GALNT17: variants seen among roughly 807,000 people sequenced by gnomAD.
The protein encoded by GALNT17 is UDP-GalNAc:polypeptide N-acetylgalactosaminyltransferase-like 3.
GALNT17 carries 29 observed loss-of-function variants against 63.7 expected under a neutral mutation model. The ratio of observed to expected loss-of-function variants is 0.46; its 90% CI spans 0.34 to 0.62. GALNT17 has a LOEUF of 0.62. GALNT17 is among the 20% of genes least tolerant of loss of function. The probability of loss-of-function intolerance (pLI) is 0.01; values close to 1 mark genes in which losing one functional copy is unlikely to be tolerated. For synonymous variants in GALNT17, 305 were observed against 318.3 expected, an observed-to-expected ratio of 0.96 and a Z score of 0.45; for missense variants, 603 against 799.6, an observed-to-expected ratio of 0.75 and a Z score of 2.97.
intron 1 of GALNT17, among the ~76,000 whole-genome samples, chr7:71,328,779 G>A (rs1176783998): frequency 6.6e-6 from 1 of 151,670 alleles, no homozygotes; most frequent in Non-Finnish European, 1.5e-5. Flanking sequence ...TGATCTTTTT[G>A]GAGGCTGTTA....
At chr7:71,202,079 A>G (rs569846295) in intron 1 of GALNT17, among the ~76,000 whole-genome samples, 3 of 152,286 alleles carry the variant, frequency 2.0e-5, no homozygotes, top group South Asian at 2.1e-4. Flanking sequence ...AATGAAGAAA[A>G]TCCTCTTTTA....
chr7:71,156,946 T>C (rs933870425), intron 1 of GALNT17, among the ~76,000 whole-genome samples: 1 of 151,518 alleles, frequency 6.6e-6, no homozygotes, highest in Non-Finnish European at 1.5e-5. Context: ...TTTATTTATG[T>C]ATTTATTTTG....
At chr7:71,454,925 G>A (rs1202319471) in intron 5 of GALNT17, among the ~76,000 whole-genome samples, 1 of 152,110 alleles carries the variant, frequency 6.6e-6, no homozygotes, top group African/African-American at 2.4e-5. Context: ...AAGCACTTTG[G>A]GAGGTCAAGG....
chr7:71,378,902 T>G (rs531750320), intron 2 of GALNT17, among the ~76,000 whole-genome samples: 161 of 152,264 alleles, frequency 1.1e-3, no homozygotes, highest in Middle Eastern at 6.8e-3. Context: ...CTTGGGATGC[T>G]GAGACAGGAG....
Position 71,460,553 on chromosome 7 carries a change from A to T in GALNT17, c.962+39448A>T, listed in dbSNP as rs1787435604. Among the ~76,000 whole-genome samples the T allele has an allele frequency of 2.0e-5, 3 of 152,196 alleles. No homozygotes were observed. In the South Asian group the frequency reaches 6.2e-4, roughly 32 times the overall value. On this transcript the variant is annotated intron_variant, in intron 5 of 10. Coordinates refer to ENST00000333538, the MANE Select transcript of GALNT17 (RefSeq NM_022479.3). ...GTAGTGTTACCAGAAAGGGGTCCTG[A>T]TTCAGACCCCAAGAGAGGGTTCTTG...
intron 6 of GALNT17, among the ~76,000 whole-genome samples, chr7:71,592,563 C>CATAGCATACTAAAATAAAA (rs373112898): frequency 0.017 from 1,210 of 69,600 alleles, 60 homozygotes; most frequent in Middle Eastern, 0.044. Context: ...GCATAGCATA[C>CATAGCATACTAAAATAAAA]TAAAATAAAA....
chr7:71,363,054 T>C (rs11973680), intron 2 of GALNT17, among the ~76,000 whole-genome samples: 4,779 of 151,892 alleles, frequency 0.031, 249 homozygotes, highest in African/African-American at 0.11. Flanking sequence ...GCAACCTCCA[T>C]CTTCTGGGTT....
At position 71,249,819 on chromosome 7, in the gene GALNT17, C is replaced by T. The variant is rs78843070; in HGVS notation, c.239-85731C>T. On this transcript the variant is annotated intron_variant, in intron 1 of 10. Coordinates refer to ENST00000333538, the MANE Select transcript of GALNT17 (RefSeq NM_022479.3). ...AATTATGATACTCGCTTCGCGAAGC[C>T]ATCCATGTATTATGCAAAAGTTTTT... Among the ~76,000 whole-genome samples the T allele has an allele frequency of 2.6e-3, 390 of 152,330 alleles. 2 individuals carry two copies. Among genetic ancestry groups the T allele is most frequent in the East Asian group, 0.019 (97 of 5,178 alleles).
chr7:71,595,848 T>C (rs79582591), intron 6 of GALNT17, among the ~76,000 whole-genome samples: 2,577 of 152,046 alleles, frequency 0.017, 26 homozygotes, highest in Middle Eastern at 0.065. Flanking sequence ...CGCAGGAAGA[T>C]TGTGGGGGAT....
Position 71,132,770 on chromosome 7 carries a change from C to T in GALNT17, c.-33C>T. The T allele has an allele frequency of 6.5e-7, 1 of 1,545,500 alleles. No individual in the cohort carries two copies. Among genetic ancestry groups the T allele is most frequent in the Non-Finnish European group, 8.8e-7 (1 of 1,139,676 alleles). On this transcript the variant is annotated 5_prime_UTR_variant, in exon 1 of 11. Coordinates refer to ENST00000333538, the MANE Select transcript of GALNT17 (RefSeq NM_022479.3). ...CGCCTCGCCGGAGCCCGAGGGGGCG[C>T]AGGTCCGGGGCGAGGGCCGGCCGGG...
At chr7:71,596,727 G>A (rs1789892167) in intron 6 of GALNT17, among the ~76,000 whole-genome samples, 1 of 152,098 alleles carries the variant, frequency 6.6e-6, no homozygotes, top group Admixed American at 6.5e-5. Flanking sequence ...AACACTCACT[G>A]TGACTATTGG....
At chr7:71,221,406 T>TCC (rs777385631) in intron 1 of GALNT17, among the ~76,000 whole-genome samples, 6 of 123,468 alleles carry the variant, frequency 4.9e-5, no homozygotes, top group South Asian at 3.0e-4. Context: ...TTTTTTTTTT[T>TCC]CCAACCCTAC....
intron 6 of GALNT17, among the ~76,000 whole-genome samples, chr7:71,592,849 A>G (rs1789830152): frequency 6.6e-6 from 1 of 152,166 alleles, no homozygotes; most frequent in East Asian, 1.9e-4. Context: ...GGAAGCTCTT[A>G]CTTAAATCAG....
intron 1 of GALNT17, among the ~76,000 whole-genome samples, chr7:71,291,507 T>C (rs1423795893): frequency 6.6e-6 from 1 of 152,174 alleles, no homozygotes; most frequent in East Asian, 1.9e-4. Flanking sequence ...AAAGAGACTA[T>C]ATTTATTTAT....
At chr7:71,259,649 T>TG (rs1790350159) in intron 1 of GALNT17, among the ~76,000 whole-genome samples, 1 of 148,040 alleles carries the variant, frequency 6.8e-6, no homozygotes, top group African/African-American at 2.5e-5. Context: ...TTTTTTTGTT[T>TG]TTTTTTTTTT....
intron 3 of GALNT17, among the ~76,000 whole-genome samples, chr7:71,394,684 C>T (rs73700929): frequency 0.076 from 11,531 of 152,138 alleles, 795 homozygotes; most frequent in African/African-American, 0.18. Flanking sequence ...TGGAGGAATT[C>T]GGGTGCACAG....
intron 1 of GALNT17, among the ~76,000 whole-genome samples, chr7:71,221,794 G>A (rs1284399991): frequency 6.6e-6 from 1 of 151,898 alleles, no homozygotes; most frequent in Admixed American, 6.6e-5. Context: ...AAGTTGCAAA[G>A]ATAATACAGA....
chr7:71,307,450 C>T (rs1490232090), intron 1 of GALNT17, among the ~76,000 whole-genome samples: 2 of 151,942 alleles, frequency 1.3e-5, no homozygotes, highest in Non-Finnish European at 1.5e-5. Context: ...GACCCACTTT[C>T]TGCCATGAGA....
chr7:71,391,189 G>T (rs1793043221), intron 3 of GALNT17, among the ~76,000 whole-genome samples: 1 of 152,156 alleles, frequency 6.6e-6, no homozygotes, highest in East Asian at 1.9e-4. Context: ...GTGGCAAAAA[G>T]ACTGGAGGTG....
Sources: gnomAD v4.1 joint callset for allele counts (sites outside exome capture counted in the v4.1 genomes callset) on GRCh38, gnomAD v4.1.1 for gene constraint, MANE v1.5 for transcripts, NCBI Gene and HGNC (gene_info 2026-07-23, HGNC 2026-07-21) for gene names.